The following SLC8A2 variants were observed in gnomAD, a reference collection of about 807,000 sequenced individuals.
SLC8A2 encodes the protein sodium/calcium exchanger 2.
Under a neutral mutation model 70.2 loss-of-function variants are expected in SLC8A2, and 14 were observed. The ratio of observed to expected loss-of-function variants is 0.20; its 90% CI spans 0.13 to 0.31. The LOEUF (loss-of-function observed/expected upper bound fraction) is 0.31. Ranked by LOEUF, SLC8A2 falls within the 10% of genes least tolerant of loss-of-function variation. SLC8A2 has a pLI of 1.00. For missense variants in SLC8A2, 779 were observed against 1,320.1 expected, an observed-to-expected ratio of 0.59 and a Z score of 6.35; for synonymous variants, 575 against 594.3, an observed-to-expected ratio of 0.97 and a Z score of 0.47.
At chr19:47,452,443 A>T (rs866773873) in intron 3 of SLC8A2, among the ~76,000 whole-genome samples, 1,363 of 55,496 alleles carry the variant, frequency 0.025, 13 homozygotes, top group African/African-American at 0.053. Context: ...AGAGAGAGAG[A>T]GAGTGTGTGT....
rs1163943681 is a variant in SLC8A2, at chr19:47,457,154, C to G, written c.1116G>C (p.Ala372=). 1 of 1,542,290 alleles carries G rather than the reference C, an allele frequency of 6.5e-7. No homozygotes were observed. The highest frequency in any genetic ancestry group is 8.7e-7 in the Non-Finnish European group (1 of 1,143,950). Residue 372 remains alanine, a synonymous_variant, in exon 3 of 10, where the codon GCG becomes GCC. Coordinates refer to ENST00000236877, the MANE Select transcript of SLC8A2 (RefSeq NM_015063.3). ...TGAGNVLRRH[A]ADASRRAAPA... is the part of the protein sequence containing the mutation. ...GCGCCGCCCTGCGCGAGGCGTCCGCCGCGTGTCTGCGCAGCACGTTCCCGG... is the reference window on the plus strand; with the variant it reads ...GCGCCGCCCTGCGCGAGGCGTCCGCGGCGTGTCTGCGCAGCACGTTCCCGG...
chr19:47,455,658 A>G (rs1227737663), intron 3 of SLC8A2, among the ~76,000 whole-genome samples: 1 of 152,232 alleles, frequency 6.6e-6, no homozygotes. Context: ...AACATACTGT[A>G]AAGCTATAAG....
intron 2 of SLC8A2, among the ~76,000 whole-genome samples, chr19:47,463,954 G>T (rs1473346872): frequency 6.6e-6 from 1 of 152,208 alleles, no homozygotes; most frequent in African/African-American, 2.4e-5. Flanking sequence ...AGGTCACACA[G>T]TGAGGGAATG....
chr19:47,455,990 C>G (rs1967298694), intron 3 of SLC8A2, among the ~76,000 whole-genome samples: 1 of 152,176 alleles, frequency 6.6e-6, no homozygotes, highest in South Asian at 2.1e-4. Context: ...GCACTTATTG[C>G]CACTTCAAGT....
intron 2 of SLC8A2, among the ~76,000 whole-genome samples, chr19:47,459,282 G>C (rs1967358374): frequency 6.6e-6 from 1 of 151,824 alleles, no homozygotes; most frequent in Admixed American, 6.6e-5. Context: ...TTCCCTCCTT[G>C]CCTCTGTCTC....
At chr19:47,452,433 AGAGAGAGAGAGAGTGTGT>A (rs1375095124) in intron 3 of SLC8A2, among the ~76,000 whole-genome samples, 134 of 98,962 alleles carry the variant, frequency 1.4e-3, no homozygotes, top group East Asian at 1.8e-3. Flanking sequence ...AGAGAGAGAG[AGAGAGAGAGAGAGTGTGT>A]GTGTGTGTGT....
Position 47,466,511 on chromosome 19 carries a change from G to A in SLC8A2, c.-16-92C>T. 5.1e-6 allele frequency: 3 copies of A among 587,076 alleles called. No individual in the cohort carries two copies. The South Asian group carries it at 6.5e-5, about 13-fold the overall frequency. The allele number at this position is 587,076 out of a possible 1,614,324, so 36.4% of individuals were successfully genotyped here. A position where few individuals can be genotyped will look rare whatever the true frequency, so the allele number is the denominator to read the frequency against. Reference sequence around the variant, plus strand: ...GCTCACTGGGGAAGGAGGGTTGGGGGAGAAGCTGAGGACCAATGCAGGCAG... The same window carrying A: ...GCTCACTGGGGAAGGAGGGTTGGGGAAGAAGCTGAGGACCAATGCAGGCAG... On this transcript the variant is annotated intron_variant, in intron 1 of 9. Coordinates refer to ENST00000236877, the MANE Select transcript of SLC8A2 (RefSeq NM_015063.3). This position sits in a 1 kb window ranked among gnomAD's most constrained non-coding sequence, Gnocchi z 6.9.
intron 2 of SLC8A2, among the ~76,000 whole-genome samples, chr19:47,458,359 CCT>C (rs1967343210): frequency 6.7e-6 from 1 of 149,160 alleles, no homozygotes; most frequent in Admixed American, 6.7e-5. Flanking sequence ...TCTTTCCTCC[CCT>C]CTCCCCGTCT....
intron 3 of SLC8A2, among the ~76,000 whole-genome samples, chr19:47,456,262 T>C (rs1438616689): frequency 6.6e-6 from 1 of 152,216 alleles, no homozygotes; most frequent in Non-Finnish European, 1.5e-5. Context: ...GTTTGTCTCA[T>C]TCATCATGTG....
chr19:47,457,689 T>G, intron 2 of SLC8A2, 95 bp from the exon 3 acceptor site: 1 of 754,466 alleles, frequency 1.3e-6, no homozygotes, highest in Non-Finnish European at 2.0e-6. Context: ...CCACTCCTCA[T>G]CTCTCTCCCC....
chr19:47,436,461 T>C (rs1688056383), intron 8 of SLC8A2, among the ~76,000 whole-genome samples: 1 of 152,204 alleles, frequency 6.6e-6, no homozygotes, highest in Non-Finnish European at 1.5e-5. Context: ...CAGAGGGAGA[T>C]GCCACTTTGT....
chr19:47,438,198 G>A (rs943996555), intron 6 of SLC8A2, among the ~76,000 whole-genome samples: 3 of 152,080 alleles, frequency 2.0e-5, no homozygotes, highest in African/African-American at 4.8e-5. Flanking sequence ...TCTGGGGTTC[G>A]TATGGTGGAG....
rs1343458556 is a variant in SLC8A2 at position 47,447,243 on chromosome 19, G to A, written c.1763+566C>T. The stretch of plus-strand genomic sequence containing the variant: ...TGTCCAAACCCAGACCCCACCTATC[G>A]CCCTGGACCCGCCCCCTCTCCACAG... On this transcript the variant is annotated intron_variant, in intron 4 of 9. Transcript: ENST00000236877. The surrounding 1 kb of genome is among the most constrained non-coding windows in gnomAD (Gnocchi z 5.1). Among the ~76,000 whole-genome samples, 7 of 149,024 alleles carry A rather than the reference G, an allele frequency of 4.7e-5. No individual in the cohort carries two copies. The East Asian group carries it at 1.4e-3, about 30-fold the overall frequency.
chr19:47,450,352 G>A (rs1189546594), intron 3 of SLC8A2, among the ~76,000 whole-genome samples: 1 of 152,258 alleles, frequency 6.6e-6, no homozygotes, highest in East Asian at 1.9e-4. Context: ...GTGAAAACCC[G>A]TTTCTACTAA....
chr19:47,456,521 C>A (rs894618307), intron 3 of SLC8A2, among the ~76,000 whole-genome samples: 2 of 152,148 alleles, frequency 1.3e-5, no homozygotes, highest in Non-Finnish European at 2.9e-5. Flanking sequence ...CAAAAATAAG[C>A]CGGGTGTGGT....
At position 47,437,948 on chromosome 19, in the gene SLC8A2, G is replaced by A. The variant is rs774765445; in HGVS notation, c.1911C>T (p.Ala637=). ...NQGDGDRKLT[A]EEEEARRIAE... is the part of the protein sequence containing the mutation. ...CTATCCTCCGAGCCTCCTCCTCCTC[G>A]GCTGTTAGCTTCCTGTCCCCATCCC... is the stretch of plus-strand genomic sequence containing the variant. Residue 637 remains alanine (A), a synonymous_variant, in exon 7 of 10, where the codon GCC becomes GCT. Transcript: ENST00000236877. 28 of 1,613,804 alleles carry A rather than the reference G, an allele frequency of 1.7e-5. No homozygotes were observed. The highest frequency in any genetic ancestry group is 2.2e-5 in the South Asian group (2 of 91,072).
Position 47,448,326 on chromosome 19 carries a change from C to T in SLC8A2, c.1341-95G>A, listed in dbSNP as rs73568282. 2.2e-6 allele frequency: 2 copies of T among 910,966 alleles called. No homozygotes were observed. The highest frequency in any genetic ancestry group is 3.3e-6 in the Non-Finnish European group (2 of 604,842). The allele number at this position is 910,966 out of a possible 1,614,324, so 56.4% of individuals were successfully genotyped here. On this transcript the variant is annotated intron_variant, in intron 3 of 9. Coordinates refer to ENST00000236877, the MANE Select transcript of SLC8A2 (RefSeq NM_015063.3). This position sits in a 1 kb window ranked among gnomAD's most constrained non-coding sequence, Gnocchi z 4.8. The stretch of plus-strand genomic sequence containing the variant: ...GTCTGGACGTGCTTCCCAGAGGAGA[C>T]GTAGGTGCCATAGAAGAACTCCCAA...
intron 3 of SLC8A2, among the ~76,000 whole-genome samples, chr19:47,449,544 G>A (rs1967210327): frequency 6.6e-6 from 1 of 152,112 alleles, no homozygotes; most frequent in African/African-American, 2.4e-5. Flanking sequence ...GGCCGGTCTC[G>A]AACTCCTGAC....
In SLC8A2 at chr19:47,447,875, G is replaced by A. The variant is rs2122630748; in HGVS notation, c.1697C>T (p.Ala566Val). 6.3e-7 allele frequency: 1 copy of A among 1,593,212 alleles called. No individual in the cohort carries two copies. Among genetic ancestry groups the A allele is most frequent in the Non-Finnish European group, 8.5e-7 (1 of 1,173,840 alleles). Residue 566 changes from alanine (A) to valine (V), a missense_variant, in exon 4 of 10, where the codon GCG becomes GTG. This residue lies in a region of SLC8A2 where 247 missense variants were observed against 362.8 expected (regional missense o/e 0.68). Transcript: ENST00000236877. The surrounding 1 kb of genome is among the most constrained non-coding windows in gnomAD (Gnocchi z 5.1). ...CTCGTAGTGCACGCCGCCGCCGCGC[G>A]CCGTGCCGTCCACCGTGCGGTAGGG... ...RLPYRTVDGT[A>V]RGGGVHYEDA...
Sources: gnomAD v4.1 joint callset for allele counts (sites outside exome capture counted in the v4.1 genomes callset) on GRCh38, gnomAD v4.1.1 for gene constraint, gnomAD v4.1.1 regional missense constraint, Gnocchi (gnomAD v3.1) non-coding constraint, MANE v1.5 for transcripts, NCBI Gene and HGNC (gene_info 2026-07-23, HGNC 2026-07-21) for gene names.